The following ABCG1 variants were observed in gnomAD, a reference collection of about 807,000 sequenced individuals.
ABCG1 encodes the protein ATP-binding cassette sub-family G member 1.
In ABCG1, 29 loss-of-function variants were observed where a neutral mutation model predicts 69.2. That is an observed-to-expected ratio of 0.42 (90% confidence interval 0.31 to 0.57). ABCG1 has a LOEUF of 0.57. ABCG1 is among the 20% of genes least tolerant of loss of function. The pLI is 0.15. For synonymous variants in ABCG1, 370 were observed against 374.8 expected (o/e 0.99, Z 0.15); for missense variants, 718 against 898.1 (o/e 0.80, Z 2.56).
Position 42,202,832 on chromosome 21 carries a change from T to G in ABCG1, c.48+1109T>G, listed in dbSNP as rs933223140. Among the ~76,000 whole-genome samples, 16 of 152,180 alleles carry G rather than the reference T, an allele frequency of 1.1e-4. 1 individual carries two copies. Among genetic ancestry groups the G allele is most frequent in the Admixed American group, 9.2e-4 (14 of 15,292 alleles). ...CGCACCCTGTTGCTCAGGCTGGTCT[T>G]GAACTCCTGGGCTCAAGCGATCCTC... On this transcript the variant is annotated intron_variant, in intron 2 of 15. Coordinates refer to the ABCG1 transcript ENST00000398457.
chr21:42,227,640 G>A (rs1267969629), intron 2 of ABCG1, among the ~76,000 whole-genome samples: 6 of 152,206 alleles, frequency 3.9e-5, no homozygotes, highest in Non-Finnish European at 7.4e-5. Context: ...TGCAAGCAGT[G>A]AGTATCGCTC....
intron 2 of ABCG1, among the ~76,000 whole-genome samples, chr21:42,257,403 C>T (rs568039120): frequency 6.6e-6 from 1 of 152,368 alleles, no homozygotes; most frequent in Non-Finnish European, 1.5e-5. Flanking sequence ...TTGCCCGGTG[C>T]TATCATACAG....
At chr21:42,253,143 T>A (rs2068249775) in intron 2 of ABCG1, among the ~76,000 whole-genome samples, 1 of 152,094 alleles carries the variant, frequency 6.6e-6, no homozygotes, top group Non-Finnish European at 1.5e-5. Flanking sequence ...CAAAGGCTGT[T>A]CCCAGGGATT....
At position 42,296,960 on chromosome 21, in the gene ABCG1, A is replaced by G. The variant is rs977338583; in HGVS notation, c.*568A>G. 4.3e-5 allele frequency: 7 copies of G among 161,088 alleles called. No individual in the cohort carries two copies. Among genetic ancestry groups the G allele is most frequent in the Non-Finnish European group, 6.9e-5 (5 of 72,074 alleles). The allele number at this position is 161,088 out of a possible 1,614,324, so 10.0% of individuals were successfully genotyped here. On this transcript the variant is annotated 3_prime_UTR_variant, in exon 15 of 15. Transcript: ENST00000398449. The surrounding 1 kb of genome is among the most constrained non-coding windows in gnomAD (Gnocchi z 5.4). ...TCATTTTAAGAAATTATACCTTTTTAGTACTTGCTGAAGAATGATTCAGGG... is the reference window on the plus strand; with the variant it reads ...TCATTTTAAGAAATTATACCTTTTTGGTACTTGCTGAAGAATGATTCAGGG...
At chr21:42,282,076 A>G (rs1044571232) in intron 5 of ABCG1, among the ~76,000 whole-genome samples, 198 bp from the exon 6 acceptor site, 2 of 152,158 alleles carry the variant, frequency 1.3e-5, no homozygotes. Flanking sequence ...CCTCATCAGG[A>G]CGGCTGATGT....
intron 2 of ABCG1, among the ~76,000 whole-genome samples, chr21:42,262,408 C>A (rs1192215148): frequency 6.6e-6 from 1 of 152,196 alleles, no homozygotes; most frequent in East Asian, 1.9e-4. Flanking sequence ...CCGTAGATTT[C>A]AGAGCATCTC....
intron 2 of ABCG1, among the ~76,000 whole-genome samples, chr21:42,248,739 TA>T (rs201814246): frequency 0.029 from 4,210 of 146,624 alleles, 118 homozygotes; most frequent in Middle Eastern, 0.055. Context: ...TAAAAAAATT[TA>T]AAAAATTAAA....
rs1254317750 is a variant in ABCG1, at chr21:42,295,700, A to T, written c.1773-464A>T. The stretch of plus-strand genomic sequence containing the variant: ...GCGTGTGCTCCAACACTATGAAATC[A>T]GAAACCGACGTCTTTCTTCTCAAAA... On this transcript the variant is annotated intron_variant, in intron 14 of 14. Transcript: ENST00000398449. 3.9e-5 allele frequency among the ~76,000 whole-genome samples: 6 copies of T among 152,266 alleles called. No homozygotes were observed. The South Asian group carries it at 1.2e-3, about 31-fold the overall frequency.
At chr21:42,282,775 T>C (rs573094721) in intron 6 of ABCG1, among the ~76,000 whole-genome samples, 1 of 152,310 alleles carries the variant, frequency 6.6e-6, no homozygotes, top group South Asian at 2.1e-4. Flanking sequence ...TCAGGTGTGT[T>C]CTGGAAACGC....
rs963146641 is a variant in ABCG1 at position 42,276,517 on chromosome 21, T to A, written c.538-378T>A. The stretch of plus-strand genomic sequence containing the variant: ...GCAGGAAGCATCGCACATGGACTGC[T>A]CTCCTGCCATCCTACCATTGTTAAA... On this transcript the variant is annotated intron_variant, in intron 4 of 14. Transcript: ENST00000398449. This position sits in a 1 kb window ranked among gnomAD's most constrained non-coding sequence, Gnocchi z 5.3. The A allele has an allele frequency of 2.5e-5, 6 of 238,260 alleles. No homozygotes were observed. The highest frequency in any genetic ancestry group is 3.3e-5 in the Non-Finnish European group (4 of 120,310). The allele number at this position is 238,260 out of a possible 1,614,324, so 14.8% of individuals were successfully genotyped here.
At chr21:42,238,321 C>T (rs1298796968) in intron 2 of ABCG1, among the ~76,000 whole-genome samples, 1 of 152,134 alleles carries the variant, frequency 6.6e-6, no homozygotes, top group Non-Finnish European at 1.5e-5. Context: ...ATGGGGATTT[C>T]GAATCTCAAC....
rs144839626 is a variant in ABCG1, at chr21:42,270,330, T to G, written c.287-740T>G. On this transcript the variant is annotated intron_variant, in intron 2 of 14. Transcript: ENST00000398449. ...ATCTATGCATCCAGTTGCTTCTGTT[T>G]TATTATTTACAGCACTTTTAAACAG... Among the ~76,000 whole-genome samples, 510 of 151,998 alleles carry G rather than the reference T, an allele frequency of 3.4e-3. 2 individuals carry two copies. The highest frequency in any genetic ancestry group is 0.011 in the African/African-American group (472 of 41,438).
At chr21:42,257,764 A>G (rs1298368810) in intron 2 of ABCG1, among the ~76,000 whole-genome samples, 1 of 152,222 alleles carries the variant, frequency 6.6e-6, no homozygotes, top group East Asian at 1.9e-4. Context: ...CACAGTCCCA[A>G]GAGGTCTCCC....
At chr21:42,200,596 C>CTTTTTT (rs200131320) in intron 1 of ABCG1, among the ~76,000 whole-genome samples, 17,656 of 138,256 alleles carry the variant, frequency 0.13, 1,246 homozygotes, top group East Asian at 0.2. Context: ...TTATGTTGCA[C>CTTTTTT]TTTTTTTTTT....
chr21:42,285,794 TGA>T (rs2068928652), intron 7 of ABCG1, 84 bp from the exon 8 acceptor site: 2 of 894,214 alleles, frequency 2.2e-6, no homozygotes, highest in African/African-American at 3.3e-5. Context: ...ATCGGTTGAT[TGA>T]TTGGTTGATT....
At chr21:42,295,326 G>A (rs913488333) in intron 14 of ABCG1, 33 of 90,434 alleles carry the variant, frequency 3.6e-4, no homozygotes, top group Admixed American at 2.1e-3. Context: ...GTGAGACTCC[G>A]TCTCAATAAA....
chr21:42,219,087 G>C, upstream of ABCG1: 1 of 436,892 alleles, frequency 2.3e-6, no homozygotes, highest in Non-Finnish European at 3.4e-6. The surrounding 1 kb of genome is among the most constrained non-coding windows in gnomAD (Gnocchi z 5.3). Context: ...CCAATCGCGC[G>C]CTCGGGGCGG....
intron 6 of ABCG1, 80 bp from the exon 7 acceptor site, chr21:42,284,480 A>ACT: frequency 6.5e-7 from 1 of 1,543,530 alleles, no homozygotes; most frequent in Non-Finnish European, 8.7e-7. Flanking sequence ...TGGGACAGGA[A>ACT]CTCCCTGGAC....
chr21:42,270,691 C>T (rs2068599730), intron 2 of ABCG1, among the ~76,000 whole-genome samples: 1 of 152,104 alleles, frequency 6.6e-6, no homozygotes, highest in Admixed American at 6.5e-5. Flanking sequence ...TGCTGCAGCT[C>T]AGAGCTGGGT....
Sources: gnomAD v4.1 joint callset for allele counts (sites outside exome capture counted in the v4.1 genomes callset) on GRCh38, gnomAD v4.1.1 for gene constraint, Gnocchi (gnomAD v3.1) non-coding constraint, MANE v1.5 for transcripts, NCBI Gene and HGNC (gene_info 2026-07-23, HGNC 2026-07-21) for gene names.